Variants in MORN1 observed in about 807,000 individuals in gnomAD.
The protein encoded by MORN1 is MORN repeat containing 1, also known as MORN repeat-containing protein 1.
Under a neutral mutation model 61.9 loss-of-function variants are expected in MORN1, and 67 were observed. The ratio of observed to expected loss-of-function variants is 1.08; its 90% CI spans 0.89 to 1.33. The LOEUF (loss-of-function observed/expected upper bound fraction) is 1.33, where lower values mean the gene tolerates loss of function less well. MORN1 is among the 40% of genes most tolerant of loss of function. The pLI is 0.00. For missense variants in MORN1, 752 were observed against 691.2 expected (o/e 1.09, Z -0.99); for synonymous variants, 301 against 292.0 (o/e 1.03, Z -0.31).
intron 10 of MORN1, among the ~76,000 whole-genome samples, chr1:2,343,698 G>A (rs375842641): frequency 8.5e-5 from 13 of 152,168 alleles, no homozygotes; most frequent in African/African-American, 3.1e-4. Context: ...CAGAGGCCTC[G>A]CGGAGCCTTG....
chr1:2,344,518 G>A (rs958164690), intron 10 of MORN1, among the ~76,000 whole-genome samples: 3 of 152,198 alleles, frequency 2.0e-5, no homozygotes, highest in Non-Finnish European at 4.4e-5. Flanking sequence ...TGCTGAGGAG[G>A]CCAGGAGCGG....
intron 6 of MORN1, among the ~76,000 whole-genome samples, chr1:2,381,363 G>C (rs1642368024): frequency 6.6e-6 from 1 of 152,252 alleles, no homozygotes; most frequent in African/African-American, 2.4e-5. Flanking sequence ...CACTGGCCAT[G>C]GTCTGCCCGT....
intron 9 of MORN1, among the ~76,000 whole-genome samples, chr1:2,358,057 C>CG (rs748909642): frequency 3.0e-4 from 46 of 152,108 alleles, no homozygotes; most frequent in Admixed American, 3.3e-4. Flanking sequence ...TTTCATGTTG[C>CG]GGGGCTTAGA....
intron 13 of MORN1, chr1:2,323,202 C>T (rs1232414089): frequency 1.0e-6 from 1 of 985,282 alleles, no homozygotes; most frequent in Admixed American, 6.1e-5. Flanking sequence ...CACCGCGTGG[C>T]ACTCCAGCCG....
rs374933261 is a variant in MORN1, at chr1:2,385,830, G to A, written c.426C>T (p.His142=). The A allele has an allele frequency of 1.8e-5, 29 of 1,613,780 alleles. No homozygotes were observed. The highest frequency in any genetic ancestry group is 6.7e-5 in the African/African-American group (5 of 74,926). Residue 142 remains histidine (H), a synonymous_variant, in exon 5 of 14, where the codon CAC becomes CAT. Transcript: ENST00000378531. The part of the protein sequence containing the change: ...YQGSFHDNKR[H]GPGQMLFQNG... Reference sequence around the variant, plus strand: ...ACTGAAAGAGCATCTGCCCAGGGCCGTGCCTCTTGTTGTCATGGAAGGAGC... The same window carrying A: ...ACTGAAAGAGCATCTGCCCAGGGCCATGCCTCTTGTTGTCATGGAAGGAGC...
chr1:2,357,576 G>A lies in MORN1; in HGVS notation c.892C>T (p.Pro298Ser). The A allele has an allele frequency of 1.2e-6, 2 of 1,605,516 alleles. No individual in the cohort carries two copies. Among genetic ancestry groups the A allele is most frequent in the South Asian group, 2.2e-5 (2 of 90,468 alleles). ...TPFGFECIPY[P>S]VSSPAAGVPG... is the part of the protein sequence containing the mutation. ...ACCCCAGCTGCGGGGCTGGACACAG[G>A]ATAAGGGATGCATTCGAACCCACTG... Residue 298 changes from proline to serine, a missense_variant, in exon 10 of 14, where the codon CCT becomes TCT. Physicochemically the swap from Pro to Ser is moderately conservative, Grantham distance 74. Coordinates refer to ENST00000378531, the MANE Select transcript of MORN1 (RefSeq NM_024848.3). This position sits in a 1 kb window ranked among gnomAD's most constrained non-coding sequence, Gnocchi z 6.3.
At chr1:2,389,078 C>T (rs1296545463) in intron 2 of MORN1, among the ~76,000 whole-genome samples, 1 of 149,580 alleles carries the variant, frequency 6.7e-6, no homozygotes, top group Non-Finnish European at 1.5e-5. Context: ...CAGCATTGCA[C>T]TCCAGCCTGG....
chr1:2,329,433 C>T (rs1264311110), intron 12 of MORN1, among the ~76,000 whole-genome samples: 2 of 152,210 alleles, frequency 1.3e-5, no homozygotes, highest in Non-Finnish European at 2.9e-5. Context: ...CCGGTGCCCC[C>T]AGCTTCCCAG....
rs1336837394 is a variant in MORN1, at chr1:2,343,137, G to C, written c.1037-6287C>G. Among the ~76,000 whole-genome samples the C allele has an allele frequency of 2.6e-5, 4 of 152,188 alleles. No individual in the cohort carries two copies. In the East Asian group the frequency reaches 7.7e-4, roughly 29 times the overall value. On this transcript the variant is annotated intron_variant, in intron 10 of 13. Coordinates refer to ENST00000378531, the MANE Select transcript of MORN1 (RefSeq NM_024848.3). ...CGTTCAGAAAATAAAAGACACTCCA[G>C]AGCTCCTGGGGCCTGGGCCGTCGTG...
chr1:2,351,458 G>A (rs530645246), intron 10 of MORN1: 5 of 165,394 alleles, frequency 3.0e-5, no homozygotes, highest in East Asian at 1.9e-4. Context: ...GTGCACTTGC[G>A]GGGGCCCAGC....
intron 6 of MORN1, among the ~76,000 whole-genome samples, chr1:2,382,614 G>C (rs775434820): frequency 6.6e-6 from 1 of 152,178 alleles, no homozygotes; most frequent in Non-Finnish European, 1.5e-5. Flanking sequence ...TCCCTTAGGC[G>C]CACTCTCCCA....
chr1:2,356,397 G>A (rs1286930162), intron 10 of MORN1, among the ~76,000 whole-genome samples: 1 of 152,132 alleles, frequency 6.6e-6, no homozygotes, highest in African/African-American at 2.4e-5. Context: ...CTAAGTTGTG[G>A]ATCTGGGCTC....
Position 2,355,587 on chromosome 1 carries a change from C to T in MORN1, c.1036+1845G>A, listed in dbSNP as rs1161946207. 2.4e-5 allele frequency: 25 copies of T among 1,027,920 alleles called. No individual in the cohort carries two copies. In the South Asian group the frequency reaches 2.6e-4, roughly 11 times the overall value. 63.7% of individuals were successfully genotyped at this position (1,027,920 alleles called of 1,614,324 possible). A position where few individuals can be genotyped will look rare whatever the true frequency, so the allele number is the denominator to read the frequency against. ...CTGGTGGCGGAGGCTCTTCCCAGGG[C>T]GGCCAGGGGCATTCCGCTGCCGCTT... On this transcript the variant is annotated intron_variant, in intron 10 of 13. Transcript: ENST00000378531.
chr1:2,391,058 C>T (rs111491778), intron 1 of MORN1, among the ~76,000 whole-genome samples: 6 of 152,236 alleles, frequency 3.9e-5, no homozygotes, highest in Non-Finnish European at 8.8e-5. Context: ...CCTAGCGTTT[C>T]TGGACAGCAC....
chr1:2,353,187 G>A (rs1227529495), intron 10 of MORN1, among the ~76,000 whole-genome samples: 1 of 152,270 alleles, frequency 6.6e-6, no homozygotes, highest in African/African-American at 2.4e-5. Context: ...ACAAATGTGA[G>A]CAAGGGACTT....
intron 1 of MORN1, chr1:2,390,324 C>T: frequency 1.3e-6 from 1 of 776,946 alleles, no homozygotes; most frequent in Non-Finnish European, 1.6e-6. Context: ...GGTTGGGAGC[C>T]TTGTTGCAGG....
At chr1:2,325,703 G>A (rs1641013406) in intron 12 of MORN1, among the ~76,000 whole-genome samples, 2 of 149,634 alleles carry the variant, frequency 1.3e-5, no homozygotes, top group Admixed American at 1.3e-4. Context: ...GCCCAGGCTG[G>A]AGTGCTGTGG....
intron 10 of MORN1, 26 bp from the exon 11 acceptor site, chr1:2,336,876 C>T (rs1641291993): frequency 6.5e-7 from 1 of 1,529,956 alleles, no homozygotes; most frequent in East Asian, 2.3e-5. Context: ...GAAGAAAGAC[C>T]CTATGAGGGG....
At chr1:2,323,754 G>A (rs1016751092) in intron 13 of MORN1, 1 of 985,230 alleles carries the variant, frequency 1.0e-6, no homozygotes, top group Non-Finnish European at 1.2e-6. Context: ...CAGCCACTGT[G>A]GGCCTTGACA....
Sources: gnomAD v4.1 joint callset for allele counts (sites outside exome capture counted in the v4.1 genomes callset) on GRCh38, gnomAD v4.1.1 for gene constraint, Gnocchi (gnomAD v3.1) non-coding constraint, MANE v1.5 for transcripts, NCBI Gene and HGNC (gene_info 2026-07-23, HGNC 2026-07-21) for gene names.